The following CUL5 variants were observed in gnomAD, a reference collection of about 807,000 sequenced individuals.
CUL5 encodes the protein cullin 5, also known as cullin-5.
A neutral mutation model predicts 108.8 loss-of-function variants in CUL5; 26 were observed. The ratio of observed to expected loss-of-function variants is 0.24; its 90% CI spans 0.18 to 0.33. The LOEUF (loss-of-function observed/expected upper bound fraction) is 0.33, where lower values mean the gene tolerates loss of function less well. Ranked by LOEUF, CUL5 falls within the 10% of genes least tolerant of loss-of-function variation. CUL5 has a pLI of 1.00. For synonymous variants in CUL5, 334 were observed against 298.0 expected, an observed-to-expected ratio of 1.12 and a Z score of -1.25; for missense variants, 524 against 909.2, an observed-to-expected ratio of 0.58 and a Z score of 5.45.
Position 108,054,911 on chromosome 11 carries a change from C to T in CUL5, c.736C>T (p.Leu246=). The stretch of plus-strand genomic sequence containing the variant: ...ATTAAAAGAAGAAGAAAAACGAGCA[C>T]TACGTTATTTAGAAACAAGACGAGA... The part of the protein sequence containing the change: ...AKLKEEEKRA[L]RYLETRRECN... The change falls in exon 7 of 19, where the codon CTA becomes TTA. Residue 246 remains leucine (L), a synonymous_variant. Transcript: ENST00000393094. 6.2e-7 allele frequency: 1 copy of T among 1,609,030 alleles called. No individual in the cohort carries two copies. The highest frequency in any genetic ancestry group is 8.5e-7 in the Non-Finnish European group (1 of 1,178,846).
intron 11 of CUL5, among the ~76,000 whole-genome samples, chr11:108,080,521 G>C (rs1342496030): frequency 6.6e-6 from 1 of 152,144 alleles, no homozygotes; most frequent in Admixed American, 6.6e-5. Flanking sequence ...TCAGCCTCCT[G>C]AGTAGCTGGG....
intron 1 of CUL5, among the ~76,000 whole-genome samples, chr11:108,032,447 A>G (rs375160465): frequency 6.6e-6 from 1 of 152,110 alleles, no homozygotes; most frequent in African/African-American, 2.4e-5. Context: ...GATCAAGGCT[A>G]CAGTTAGCTA....
intron 4 of CUL5, among the ~76,000 whole-genome samples, chr11:108,050,680 A>G (rs140462138): frequency 0.011 from 1,705 of 152,292 alleles, 19 homozygotes; most frequent in Middle Eastern, 0.037. Flanking sequence ...TACCCTTACT[A>G]GAAATTAAAT....
At chr11:108,071,044 G>A (rs1403846269) in intron 8 of CUL5, among the ~76,000 whole-genome samples, 1 of 152,118 alleles carries the variant, frequency 6.6e-6, no homozygotes, top group Non-Finnish European at 1.5e-5. Flanking sequence ...TTTTGTGAAG[G>A]TCAATAAAAT....
intron 16 of CUL5, 35 bp downstream of exon 16, chr11:108,095,726 CCT>C: frequency 6.5e-7 from 1 of 1,543,602 alleles, no homozygotes; most frequent in Non-Finnish European, 8.9e-7. Flanking sequence ...AAGACTGTAT[CCT>C]CTCATGTAGC....
intron 7 of CUL5, among the ~76,000 whole-genome samples, chr11:108,068,490 AT>A (rs1863745300): frequency 1.3e-5 from 2 of 152,092 alleles, no homozygotes; most frequent in East Asian, 3.9e-4. Context: ...AATTTTAAGC[AT>A]TTTTACAATG....
intron 7 of CUL5, among the ~76,000 whole-genome samples, chr11:108,058,481 T>G (rs1026995548): frequency 1.3e-5 from 2 of 151,476 alleles, no homozygotes; most frequent in African/African-American, 4.8e-5. Context: ...ATCTCCTGAC[T>G]TCGTGATCTG....
chr11:108,061,894 GGAGAGAGAGA>G (rs145120147), intron 7 of CUL5, among the ~76,000 whole-genome samples: 2 of 149,914 alleles, frequency 1.3e-5, no homozygotes, highest in Non-Finnish European at 3.0e-5. Context: ...TGTGGCAGCA[GGAGAGAGAGA>G]GAGAGAGAGA....
intron 2 of CUL5, among the ~76,000 whole-genome samples, chr11:108,044,787 A>G (rs1479954285): frequency 6.6e-6 from 1 of 151,476 alleles, no homozygotes; most frequent in Non-Finnish European, 1.5e-5. Flanking sequence ...TTTGAGACAC[A>G]GTTTCACTCT....
chr11:108,082,131 G>T (rs1264621146), intron 11 of CUL5, among the ~76,000 whole-genome samples: 1 of 152,110 alleles, frequency 6.6e-6, no homozygotes, highest in Non-Finnish European at 1.5e-5. Context: ...CAGTGTACAA[G>T]TCTTCCACAT....
rs1384083978 is a variant in CUL5, at chr11:108,035,804, T to A, written c.134+1893T>A. Among the ~76,000 whole-genome samples, 4 of 152,098 alleles carry A rather than the reference T, an allele frequency of 2.6e-5. 1 individual carries two copies. Among genetic ancestry groups the A allele is most frequent in the Middle Eastern group, 6.3e-3 (2 of 316 alleles). On this transcript the variant is annotated intron_variant, in intron 2 of 18. Transcript: ENST00000393094. The stretch of plus-strand genomic sequence containing the variant: ...TCCTGTTTATTGAGTATATGCCTGC[T>A]TTTGGTTCAGCACAGCTTGTGTTGA...
intron 17 of CUL5, 44 bp from the exon 18 acceptor site, chr11:108,098,362 A>G: frequency 1.3e-6 from 2 of 1,536,850 alleles, no homozygotes; most frequent in Non-Finnish European, 1.8e-6. Flanking sequence ...AGGATTTTTA[A>G]AGTGTTTTTC....
At chr11:108,076,069 C>T (rs1188301095) in intron 10 of CUL5, among the ~76,000 whole-genome samples, 1 of 152,092 alleles carries the variant, frequency 6.6e-6, no homozygotes, top group Admixed American at 6.6e-5. Context: ...TGCTCTGTCA[C>T]CCAGGCTGGA....
intron 1 of CUL5, among the ~76,000 whole-genome samples, chr11:108,025,492 T>C (rs1209166790): frequency 6.6e-6 from 1 of 152,162 alleles, no homozygotes; most frequent in Non-Finnish European, 1.5e-5. Flanking sequence ...TTCGTTAGAG[T>C]GTGTCCAGAA....
At chr11:108,070,645 T>C (rs1863799259) in intron 8 of CUL5, among the ~76,000 whole-genome samples, 2 of 152,258 alleles carry the variant, frequency 1.3e-5, no homozygotes, top group South Asian at 4.1e-4. Context: ...ACTTCAATGT[T>C]TTCTTAAAAA....
Position 108,095,606 on chromosome 11 carries a change from A to G in CUL5, c.1820A>G (p.Asn607Ser), listed in dbSNP as rs1396718485. Residue 607 changes from asparagine to serine, a missense_variant, in exon 16 of 19, where the codon AAC (asparagine) becomes AGC (serine). Physicochemically the swap from Asn to Ser is conservative, Grantham distance 46. This residue lies in a region of CUL5 where 64 missense variants were observed against 152.0 expected (regional missense o/e 0.42). Coordinates refer to ENST00000393094, the MANE Select transcript of CUL5 (RefSeq NM_003478.6). ...CAGCTCGCTGTATTGTTTGCATGGA[A>G]CCAAAGACCCAGAGAGAAAATCAGC... The part of the protein sequence containing the change: ...TFQLAVLFAW[N>S]QRPREKISFE... 2.5e-6 allele frequency: 4 copies of G among 1,613,958 alleles called. No homozygotes were observed. The highest frequency in any genetic ancestry group is 3.4e-6 in the Non-Finnish European group (4 of 1,179,924).
chr11:108,021,631 G>T (rs1016866396), intron 1 of CUL5, among the ~76,000 whole-genome samples: 1 of 151,540 alleles, frequency 6.6e-6, no homozygotes, highest in Non-Finnish European at 1.5e-5. Context: ...GGGACTACTG[G>T]TGTGCACCAC....
At chr11:108,038,243 G>T (rs1208776801) in intron 2 of CUL5, among the ~76,000 whole-genome samples, 1 of 152,166 alleles carries the variant, frequency 6.6e-6, no homozygotes, top group East Asian at 1.9e-4. Flanking sequence ...TTGCCAGTCT[G>T]TGTTGATAAG....
intron 7 of CUL5, among the ~76,000 whole-genome samples, chr11:108,059,713 C>T (rs1389402193): frequency 2.0e-5 from 3 of 151,314 alleles, no homozygotes; most frequent in Admixed American, 6.6e-5. Flanking sequence ...CCTGTCTCTA[C>T]TAAAAAAAAA....
Sources: allele counts gnomAD v4.1 joint callset (sites outside exome capture counted in the v4.1 genomes callset), GRCh38; gene constraint gnomAD v4.1.1; regional missense constraint gnomAD v4.1.1; transcripts MANE v1.5; gene names NCBI Gene and HGNC (gene_info 2026-07-23, HGNC 2026-07-21).